Variants in CSGALNACT2 observed in about 807,000 individuals in gnomAD.
CSGALNACT2 encodes beta 4 GalNAcT-2.
Under a neutral mutation model 55.3 loss-of-function variants are expected in CSGALNACT2, and 35 were observed. The ratio of observed to expected loss-of-function variants is 0.63; its 90% CI spans 0.48 to 0.84. The LOEUF is 0.84. CSGALNACT2 is among the 40% of genes least tolerant of loss of function. The probability of loss-of-function intolerance (pLI) is 0.00; values close to 1 mark genes in which losing one functional copy is unlikely to be tolerated. For missense variants in CSGALNACT2, 544 were observed against 657.5 expected (o/e 0.83, Z 1.89); for synonymous variants, 196 against 224.9 (o/e 0.87, Z 1.15).
chr10:43,147,188 G>A (rs1171760424), intron 1 of CSGALNACT2, among the ~76,000 whole-genome samples: 1 of 151,400 alleles, frequency 6.6e-6, no homozygotes. Flanking sequence ...TTTTAGCCGG[G>A]ATGGTCTCGA....
rs745652732 is a variant in CSGALNACT2 at position 43,155,341 on chromosome 10, A to G, written c.192A>G (p.Gln64=). Residue 64 remains glutamine (Q), a synonymous_variant, in exon 2 of 8, where the codon CAA becomes CAG. Transcript: ENST00000374466. ...ATTATCAAGCCCTCCTACAGGAACA[A>G]GAAGAACATTATCAGACCAGGGCAA... ...KEYYQALLQE[Q]EEHYQTRATS... is the part of the protein sequence containing the mutation. 1.9e-6 allele frequency: 3 copies of G among 1,614,134 alleles called. No homozygotes were observed. The highest frequency in any genetic ancestry group is 8.5e-7 in the Non-Finnish European group (1 of 1,180,034).
At chr10:43,141,863 G>A in intron 1 of CSGALNACT2, among the ~76,000 whole-genome samples, 1 of 152,110 alleles carries the variant, frequency 6.6e-6, no homozygotes, top group East Asian at 1.9e-4. Flanking sequence ...GGCAAATATA[G>A]ATCAACCCTT....
rs556964275 is a variant in CSGALNACT2, at chr10:43,163,284, A to G, written c.981-582A>G. 12 of 891,812 alleles carry G rather than the reference A, an allele frequency of 1.3e-5. 1 individual carries two copies. In the African/African-American group the frequency reaches 1.4e-4, roughly 11 times the overall value. The allele number at this position is 891,812 out of a possible 1,614,324, so 55.2% of individuals were successfully genotyped here. ...CAAATATTTATTGAACTCCTACTCT[A>G]TCAGGGGACACTGCATCCATAGTAA... On this transcript the variant is annotated intron_variant, in intron 4 of 7. Coordinates refer to ENST00000374466, the MANE Select transcript of CSGALNACT2 (RefSeq NM_018590.5).
chr10:43,181,142 C>A (rs1839581411), intron 7 of CSGALNACT2, among the ~76,000 whole-genome samples: 1 of 152,188 alleles, frequency 6.6e-6, no homozygotes, highest in African/African-American at 2.4e-5. Flanking sequence ...ATGACCAGGT[C>A]CCCCTGGAGT....
chr10:43,157,420 T>G (rs1839038559), intron 2 of CSGALNACT2, among the ~76,000 whole-genome samples: 1 of 152,216 alleles, frequency 6.6e-6, no homozygotes, highest in Admixed American at 6.5e-5. Flanking sequence ...GAATAATTAC[T>G]AATAATTAGT....
At chr10:43,162,869 GAGA>G (rs1839181977) in intron 4 of CSGALNACT2, 1 of 984,734 alleles carries the variant, frequency 1.0e-6, no homozygotes. Flanking sequence ...GCCTCACTGT[GAGA>G]ACCACTGCCC....
At chr10:43,162,235 TGGC>T in intron 4 of CSGALNACT2, 2 of 523,192 alleles carry the variant, frequency 3.8e-6, no homozygotes, top group Non-Finnish European at 7.6e-6. Context: ...ATATGACTGT[TGGC>T]GGCTCTGGGC....
At chr10:43,149,819 G>A (rs1034873024) in intron 1 of CSGALNACT2, among the ~76,000 whole-genome samples, 33 of 152,144 alleles carry the variant, frequency 2.2e-4, no homozygotes, top group African/African-American at 8.0e-4. Context: ...TGTGATCCCA[G>A]CACTTTTCGA....
At chr10:43,176,062 C>T (rs753411642) in intron 7 of CSGALNACT2, 30 bp downstream of exon 7, 4 of 1,512,858 alleles carry the variant, frequency 2.6e-6, no homozygotes, top group Admixed American at 2.0e-5. Flanking sequence ...AAGGATAGGA[C>T]TTTATTTACT....
At chr10:43,139,193 GTCGTGACGTT>G (rs1208209487) in intron 1 of CSGALNACT2, among the ~76,000 whole-genome samples, 1 of 152,220 alleles carries the variant, frequency 6.6e-6, no homozygotes, top group African/African-American at 2.4e-5. Flanking sequence ...GATATGGGAT[GTCGTGACGTT>G]TCACCGTCAT....
chr10:43,162,901 G>T, intron 4 of CSGALNACT2: 1 of 985,432 alleles, frequency 1.0e-6, no homozygotes, highest in Non-Finnish European at 1.2e-6. Context: ...AAGTCCTGCT[G>T]ATTCTCTTTG....
At chr10:43,155,904 A>G in intron 2 of CSGALNACT2, 94 bp downstream of exon 2, 1 of 1,032,630 alleles carries the variant, frequency 9.7e-7, no homozygotes, top group Non-Finnish European at 1.4e-6. Context: ...ACTGTAGACA[A>G]ATGCTAGTAT....
rs1165484821 is a variant in CSGALNACT2 at position 43,164,040 on chromosome 10, G to A, written c.1155G>A (p.Glu385=). ...EFLNSCRLNA[E]PGKKVFYPVV... ...TTAACAGCTGCCGGTTAAATGCTGA[G>A]CCAGGTGCGTAAAATGTTGGTAGAT... Residue 385 remains glutamate (E), a synonymous_variant, in exon 5 of 8, where the codon GAG becomes GAA. Transcript: ENST00000374466. 1.2e-6 allele frequency: 2 copies of A among 1,611,624 alleles called. No individual in the cohort carries two copies. The highest frequency in any genetic ancestry group is 2.7e-5 in the African/African-American group (2 of 74,950).
intron 7 of CSGALNACT2, among the ~76,000 whole-genome samples, chr10:43,180,307 C>A (rs1370047220): frequency 6.6e-6 from 1 of 151,580 alleles, no homozygotes; most frequent in African/African-American, 2.4e-5. Flanking sequence ...TATTTTCAGT[C>A]TTTTTTTTTC....
Position 43,184,568 on chromosome 10 carries a change from G to A in CSGALNACT2, c.*1026G>A, listed in dbSNP as rs1228029244. The stretch of plus-strand genomic sequence containing the variant: ...TCATTGTGGAGAGAAAAAGCAAATG[G>A]TATGCCACAAGATCACTCTGATTTG... On this transcript the variant is annotated 3_prime_UTR_variant, in exon 8 of 8. Transcript: ENST00000374466. The A allele has an allele frequency of 6.6e-6, 1 of 152,196 alleles. No homozygotes were observed. Among genetic ancestry groups the A allele is most frequent in the Non-Finnish European group, 1.5e-5 (1 of 68,038 alleles). 9.4% of individuals were successfully genotyped at this position (152,196 alleles called of 1,614,324 possible). A position where few individuals can be genotyped will look rare whatever the true frequency, so the allele number is the denominator to read the frequency against.
intron 4 of CSGALNACT2, chr10:43,162,527 G>T: frequency 4.1e-6 from 4 of 985,448 alleles, no homozygotes; most frequent in Non-Finnish European, 4.8e-6. Context: ...ACAGAGGAGA[G>T]ATTTATATTC....
chr10:43,167,721 G>C (rs531433916), intron 6 of CSGALNACT2, among the ~76,000 whole-genome samples: 36 of 152,074 alleles, frequency 2.4e-4, no homozygotes, highest in Non-Finnish European at 3.8e-4. Context: ...ATATTGGTAA[G>C]TTACTGCTAA....
intron 1 of CSGALNACT2, among the ~76,000 whole-genome samples, chr10:43,147,179 T>G (rs1035002110): frequency 6.6e-6 from 1 of 151,068 alleles, no homozygotes; most frequent in Non-Finnish European, 1.5e-5. Context: ...GTTTCACCGT[T>G]TTAGCCGGGA....
intron 3 of CSGALNACT2, 126 bp from the exon 4 acceptor site, chr10:43,160,368 C>T (rs1207218333): frequency 1.7e-6 from 1 of 599,740 alleles, no homozygotes; most frequent in Non-Finnish European, 2.9e-6. Context: ...ATCAGTATTG[C>T]CACATTTATG....
Sources: gnomAD v4.1 joint callset for allele counts (sites outside exome capture counted in the v4.1 genomes callset) on GRCh38, gnomAD v4.1.1 for gene constraint, MANE v1.5 for transcripts, NCBI Gene and HGNC (gene_info 2026-07-23, HGNC 2026-07-21) for gene names.